Variants in RHOH observed in about 807,000 individuals in gnomAD.
The protein encoded by RHOH is ras homolog family member H, also known as rho-related GTP-binding protein RhoH.
RHOH carries 6 observed loss-of-function variants against 13.8 expected under a neutral mutation model. That is an observed-to-expected ratio of 0.44 (90% CI 0.24 to 0.86). The LOEUF (loss-of-function observed/expected upper bound fraction) is 0.86, where lower values mean the gene tolerates loss of function less well. Among genes scored for constraint, RHOH ranks in the 40% least tolerant of loss-of-function variants. RHOH has a pLI of 0.24. For missense variants in RHOH, 147 were observed against 244.5 expected (o/e 0.60, Z 2.66); for synonymous variants, 117 against 103.0 (o/e 1.14, Z -0.82).
Position 40,246,158 on chromosome 4 carries a change from G to C in RHOH, c.*2196G>C, listed in dbSNP as rs1350563437. The C allele has an allele frequency of 1.3e-5, 2 of 152,272 alleles. No individual in the cohort carries two copies. Among genetic ancestry groups the C allele is most frequent in the African/African-American group, 2.4e-5 (1 of 41,462 alleles). 9.4% of individuals were successfully genotyped at this position (152,272 alleles called of 1,614,324 possible). On this transcript the variant is annotated 3_prime_UTR_variant, in exon 3 of 3. Transcript: ENST00000381799. ...TCAACCCACAGAGTCTTAAATCACG[G>C]ATGCGGGTGTTCAGGGCCAGCCTTT... is the stretch of plus-strand genomic sequence containing the variant.
rs542895869 is a variant in RHOH, at chr4:40,235,207, C to T, written c.-330-7507C>T. 9.8e-5 allele frequency: 15 copies of T among 152,318 alleles called. No homozygotes were observed. In the South Asian group the frequency reaches 2.9e-3, roughly 29 times the overall value. The allele number at this position is 152,318 out of a possible 1,614,324, so 9.4% of individuals were successfully genotyped here. A position where few individuals can be genotyped will look rare whatever the true frequency, so the allele number is the denominator to read the frequency against. On this transcript the variant is annotated intron_variant, in intron 1 of 2. Coordinates refer to ENST00000381799, the MANE Select transcript of RHOH (RefSeq NM_004310.5). ...TCTACATACAGGAAAGTGAACACCA[C>T]GTGGGTATACAGCTTGGTGGATTTT... is the stretch of plus-strand genomic sequence containing the variant.
At chr4:40,200,926 C>T (rs2109356694) in intron 1 of RHOH, among the ~76,000 whole-genome samples, 1 of 152,334 alleles carries the variant, frequency 6.6e-6, no homozygotes, top group South Asian at 2.1e-4. Flanking sequence ...CAGAGCATTA[C>T]TGAATGTTCA....
intron 1 of RHOH, among the ~76,000 whole-genome samples, chr4:40,206,474 A>G (rs1260949503): frequency 6.6e-6 from 1 of 152,230 alleles, no homozygotes; most frequent in Non-Finnish European, 1.5e-5. Flanking sequence ...TCAAATTTAA[A>G]TGATGTAAAA....
At chr4:40,207,424 T>G (rs1724776543) in intron 1 of RHOH, among the ~76,000 whole-genome samples, 1 of 152,104 alleles carries the variant, frequency 6.6e-6, no homozygotes. Flanking sequence ...GCAATTGAAA[T>G]GTACATTGTG....
intron 1 of RHOH, among the ~76,000 whole-genome samples, chr4:40,200,064 A>G (rs1723760554): frequency 6.6e-6 from 1 of 152,106 alleles, no homozygotes; most frequent in Non-Finnish European, 1.5e-5. Context: ...GGCACAAGTC[A>G]GGATGGGGTG....
intron 1 of RHOH, among the ~76,000 whole-genome samples, chr4:40,213,708 T>C (rs1369980084): frequency 6.6e-6 from 1 of 152,116 alleles, no homozygotes; most frequent in Non-Finnish European, 1.5e-5. Flanking sequence ...CCTAGACCGC[T>C]GCTCCTGAGC....
intron 1 of RHOH, among the ~76,000 whole-genome samples, chr4:40,242,426 G>A (rs1729364918): frequency 6.6e-6 from 1 of 152,156 alleles, no homozygotes; most frequent in Admixed American, 6.6e-5. Context: ...TCACAATCTT[G>A]CAGATGTGTA....
intron 1 of RHOH, among the ~76,000 whole-genome samples, chr4:40,198,245 AAGG>A (rs1280714855): frequency 2.6e-5 from 4 of 152,192 alleles, no homozygotes; most frequent in Admixed American, 2.6e-4. Flanking sequence ...GTGTCGGTAG[AAGG>A]AGAAGGGGCA....
intron 1 of RHOH, among the ~76,000 whole-genome samples, chr4:40,221,261 A>G (rs1364623143): frequency 6.6e-6 from 1 of 152,190 alleles, no homozygotes; most frequent in Non-Finnish European, 1.5e-5. Flanking sequence ...TTGGACATTT[A>G]TCTTTCTACA....
chr4:40,200,166 CA>C (rs1279316061), intron 1 of RHOH, among the ~76,000 whole-genome samples: 1 of 152,110 alleles, frequency 6.6e-6, no homozygotes, highest in Non-Finnish European at 1.5e-5. Context: ...AGGATGACCC[CA>C]GGGGGGTGGA....
intron 1 of RHOH, chr4:40,205,721 G>A (rs1430209628): frequency 6.6e-6 from 1 of 152,164 alleles, no homozygotes; most frequent in Non-Finnish European, 1.5e-5. Context: ...GTAAGATGAG[G>A]CCACATTCTC....
At chr4:40,201,021 A>G (rs889262663) in intron 1 of RHOH, among the ~76,000 whole-genome samples, 4 of 152,202 alleles carry the variant, frequency 2.6e-5, no homozygotes, top group Admixed American at 1.3e-4. Context: ...CCTCTTCCCC[A>G]TTTCGTAGAA....
chr4:40,212,435 C>T (rs753368314), intron 1 of RHOH, among the ~76,000 whole-genome samples: 2 of 152,108 alleles, frequency 1.3e-5, no homozygotes, highest in Non-Finnish European at 2.9e-5. Context: ...GGTGGGCTAC[C>T]GGTGCTATTT....
At chr4:40,208,719 G>A (rs912586472) in intron 1 of RHOH, among the ~76,000 whole-genome samples, 21 of 152,080 alleles carry the variant, frequency 1.4e-4, no homozygotes, top group African/African-American at 4.8e-4. Flanking sequence ...AGACAACAAC[G>A]CAAGGTGTTT....
At chr4:40,198,562 T>C (rs1304287699) in intron 1 of RHOH, among the ~76,000 whole-genome samples, 1 of 152,228 alleles carries the variant, frequency 6.6e-6, no homozygotes, top group Non-Finnish European at 1.5e-5. Context: ...CTCTTCCCAC[T>C]TGGGGCTGCT....
chr4:40,210,360 G>A (rs1446311170), intron 1 of RHOH, among the ~76,000 whole-genome samples: 1 of 152,178 alleles, frequency 6.6e-6, no homozygotes, highest in Non-Finnish European at 1.5e-5. Context: ...AAGACTGCCT[G>A]CCATTTTGTT....
chr4:40,194,750 T>A (rs1722953235), upstream of RHOH, among the ~76,000 whole-genome samples: 2 of 152,134 alleles, frequency 1.3e-5, no homozygotes, highest in African/African-American at 4.8e-5. Context: ...TTCTTACTAA[T>A]CTCCTGCTGC....
At position 40,201,480 on chromosome 4, in the gene RHOH, C is replaced by T. The variant is rs4416488; in HGVS notation, c.-331+4180C>T. ...GTAATATTTTCAGAAATTTTCCAAG[C>T]CAGTGACATTATTGACTTCTCTTTA... On this transcript the variant is annotated intron_variant, in intron 1 of 2. Transcript: ENST00000381799. Among the ~76,000 whole-genome samples the T allele has an allele frequency of 2.4e-3, 358 of 152,160 alleles. 2 individuals carry two copies. Among genetic ancestry groups the T allele is most frequent in the African/African-American group, 7.7e-3 (318 of 41,500 alleles).
At chr4:40,202,974 A>T (rs940721831) in intron 1 of RHOH, among the ~76,000 whole-genome samples, 16 of 151,710 alleles carry the variant, frequency 1.1e-4, no homozygotes, top group South Asian at 6.2e-4. Flanking sequence ...AGTTTTTTTT[A>T]AATTTTTTAT....
Sources: allele counts gnomAD v4.1 joint callset (sites outside exome capture counted in the v4.1 genomes callset), GRCh38; gene constraint gnomAD v4.1.1; transcripts MANE v1.5; gene names NCBI Gene and HGNC (gene_info 2026-07-23, HGNC 2026-07-21).